Variants in ANKRD31 observed in about 807,000 individuals in gnomAD.
ANKRD31 encodes ankyrin repeat domain-containing protein 31.
A neutral mutation model predicts 186.0 loss-of-function variants in ANKRD31; 147 were observed. That is an observed-to-expected ratio of 0.79 (90% CI 0.69 to 0.91). The LOEUF is 0.91. Ranked by LOEUF, ANKRD31 falls within the 40% of genes least tolerant of loss-of-function variation. ANKRD31 has a pLI of 0.00. For missense variants in ANKRD31, 1,986 were observed against 2,148.8 expected (o/e 0.92, Z 1.50); for synonymous variants, 673 against 736.4 (o/e 0.91, Z 1.39).
intron 10 of ANKRD31, among the ~76,000 whole-genome samples, chr5:75,179,413 C>G (rs1754092666): frequency 6.6e-6 from 1 of 152,162 alleles, no homozygotes; most frequent in Admixed American, 6.5e-5. Context: ...ATGCCAAAGC[C>G]TGGCAGAGAC....
intron 19 of ANKRD31, among the ~76,000 whole-genome samples, 178 bp downstream of exon 19, chr5:75,116,388 A>G (rs1246836448): frequency 6.6e-6 from 1 of 152,004 alleles, no homozygotes; most frequent in African/African-American, 2.4e-5. Context: ...GTGCACATGT[A>G]CCCTAAAACT....
intron 23 of ANKRD31, among the ~76,000 whole-genome samples, chr5:75,087,026 C>T (rs1460802357): frequency 1.3e-5 from 2 of 152,112 alleles, no homozygotes; most frequent in Non-Finnish European, 2.9e-5. Context: ...AAATAAAGTG[C>T]AGTATTGTCA....
rs1192162035 is a variant in ANKRD31 at position 75,147,292 on chromosome 5, T to C, written c.2119A>G (p.Thr707Ala). 7 of 1,535,758 alleles carry C rather than the reference T, an allele frequency of 4.6e-6. No individual in the cohort carries two copies. Among genetic ancestry groups the C allele is most frequent in the African/African-American group, 2.7e-5 (2 of 73,024 alleles). Residue 707 changes from threonine (T) to alanine (A), a missense_variant, in exon 14 of 26, where the codon ACA (threonine) becomes GCA (alanine). Physicochemically the swap from Thr to Ala is moderately conservative, Grantham distance 58. Transcript: ENST00000506364. ...TGGAGATTGCCCTTTCTGAGTCCTG[T>C]AGAGTATATCTGGTCAAGAGTTGAT... ...KQSTLDQIYSTGLRKGNLHNV... is the reference protein window; with the variant it reads ...KQSTLDQIYSAGLRKGNLHNV...
At position 75,171,630 on chromosome 5, in the gene ANKRD31, A is replaced by T. The variant is rs141190027; in HGVS notation, c.1565-2509T>A. The stretch of plus-strand genomic sequence containing the variant: ...AAATCAATAAAGTATAAAACAAATA[A>T]CAAAGACAACTAAAAGAGCCATAAA... On this transcript the variant is annotated intron_variant, in intron 10 of 25. Transcript: ENST00000506364. 1.2e-4 allele frequency among the ~76,000 whole-genome samples: 18 copies of T among 151,868 alleles called. No individual in the cohort carries two copies. The East Asian group carries it at 3.3e-3, about 28-fold the overall frequency.
In ANKRD31 at chr5:75,231,597, A is replaced by G. The variant is rs74807507; in HGVS notation, c.105-962T>C. Among the ~76,000 whole-genome samples, 159 of 152,352 alleles carry G rather than the reference A, an allele frequency of 1.0e-3. 1 individual carries two copies. The highest frequency in any genetic ancestry group is 3.5e-3 in the African/African-American group (146 of 41,566). On this transcript the variant is annotated intron_variant, in intron 1 of 25. Coordinates refer to ENST00000506364, the MANE Select transcript of ANKRD31 (RefSeq NM_001372053.1). ...AGCAGAAAATGGACAAAAGACTTGAATAGACATTTCTGCAAAAACGAAATA... is the reference window on the plus strand; with the variant it reads ...AGCAGAAAATGGACAAAAGACTTGAGTAGACATTTCTGCAAAAACGAAATA...
intron 5 of ANKRD31, among the ~76,000 whole-genome samples, chr5:75,200,860 C>T (rs1231884313): frequency 1.3e-5 from 2 of 150,548 alleles, no homozygotes; most frequent in African/African-American, 2.4e-5. Context: ...TGCAGTGAGC[C>T]GCGATTACAC....
chr5:75,189,132 C>T (rs1754932868), intron 9 of ANKRD31, among the ~76,000 whole-genome samples: 1 of 152,096 alleles, frequency 6.6e-6, no homozygotes, highest in African/African-American at 2.4e-5. Context: ...AAAGGGAATG[C>T]AAAATTCTCC....
At chr5:75,179,010 GAGA>G (rs1383232488) in intron 10 of ANKRD31, among the ~76,000 whole-genome samples, 2 of 152,090 alleles carry the variant, frequency 1.3e-5, no homozygotes, top group East Asian at 3.8e-4. Context: ...GAAGAAAAGA[GAGA>G]AGAATCAAAT....
intron 20 of ANKRD31, among the ~76,000 whole-genome samples, chr5:75,108,605 G>A (rs1352384524): frequency 2.0e-5 from 3 of 152,040 alleles, no homozygotes; most frequent in Admixed American, 6.6e-5. Flanking sequence ...AAAATCTGTG[G>A]TAGAAAATGA....
intron 10 of ANKRD31, among the ~76,000 whole-genome samples, chr5:75,172,388 T>C (rs1255343504): frequency 1.4e-5 from 2 of 147,682 alleles, no homozygotes; most frequent in African/African-American, 2.5e-5. Context: ...ACTCTGTAAA[T>C]TAAGAATAGG....
rs903855253 is a variant in ANKRD31 at position 75,143,634 on chromosome 5, A to G, written c.3595+367T>C. Among the ~76,000 whole-genome samples the G allele has an allele frequency of 5.3e-5, 8 of 152,170 alleles. No individual in the cohort carries two copies. The South Asian group carries it at 8.3e-4, about 16-fold the overall frequency. ...ATAGTTCACTCATCTGACACAAAAC[A>G]AACTAATGGCTATGTTTCTTTAATT... is the stretch of plus-strand genomic sequence containing the variant. On this transcript the variant is annotated intron_variant, in intron 15 of 25. Transcript: ENST00000506364.
At chr5:75,210,929 A>C in intron 3 of ANKRD31, 64 bp from the exon 4 acceptor site, 2 of 1,113,554 alleles carry the variant, frequency 1.8e-6, no homozygotes, top group Non-Finnish European at 1.3e-6. Context: ...CAAGCTAAAA[A>C]AATTAACATT....
At chr5:75,128,867 T>C (rs764891753) in intron 17 of ANKRD31, among the ~76,000 whole-genome samples, 94 of 152,078 alleles carry the variant, frequency 6.2e-4, no homozygotes, top group Non-Finnish European at 1.5e-4. Flanking sequence ...AGCAGGTTCA[T>C]CACTTTAATA....
At position 75,213,074 on chromosome 5, in the gene ANKRD31, T is replaced by C. The variant is rs529673282; in HGVS notation, c.289-2209A>G. Among the ~76,000 whole-genome samples the C allele has an allele frequency of 1.6e-3, 240 of 152,278 alleles. 1 individual carries two copies. Among genetic ancestry groups the C allele is most frequent in the African/African-American group, 5.7e-3 (235 of 41,554 alleles). ...AATGCTCAGTATTATATACTGATAA[T>C]GCATCCCTAAACACCCCAAAGTTAC... On this transcript the variant is annotated intron_variant, in intron 3 of 25. Coordinates refer to ENST00000506364, the MANE Select transcript of ANKRD31 (RefSeq NM_001372053.1).
chr5:75,117,083 A>T (rs1376808976), intron 18 of ANKRD31, among the ~76,000 whole-genome samples: 1 of 152,174 alleles, frequency 6.6e-6, no homozygotes, highest in Admixed American at 6.5e-5. Flanking sequence ...TTGCCTCTGT[A>T]AAGTTCTCTT....
chr5:75,187,570 T>C (rs1305267871), intron 10 of ANKRD31, among the ~76,000 whole-genome samples: 1 of 151,976 alleles, frequency 6.6e-6, no homozygotes, highest in Non-Finnish European at 1.5e-5. Context: ...AGACAAAGAA[T>C]ACCAACAGAA....
intron 11 of ANKRD31, among the ~76,000 whole-genome samples, chr5:75,159,257 C>T (rs537700838): frequency 7.9e-5 from 12 of 151,226 alleles, no homozygotes; most frequent in Non-Finnish European, 1.2e-4. Context: ...TTAAGCACAA[C>T]AACATACACA....
At chr5:75,214,250 T>C (rs767404078) in intron 3 of ANKRD31, among the ~76,000 whole-genome samples, 1 of 152,304 alleles carries the variant, frequency 6.6e-6, no homozygotes, top group East Asian at 1.9e-4. Flanking sequence ...TGAATGAGAA[T>C]TGTCTTTACT....
intron 24 of ANKRD31, among the ~76,000 whole-genome samples, chr5:75,081,091 G>A (rs1745044885): frequency 6.6e-6 from 1 of 152,102 alleles, no homozygotes; most frequent in Non-Finnish European, 1.5e-5. Context: ...TTTCTGTCAG[G>A]TACCACAAAA....
Sources: gnomAD v4.1 joint callset for allele counts (sites outside exome capture counted in the v4.1 genomes callset) on GRCh38, gnomAD v4.1.1 for gene constraint, MANE v1.5 for transcripts, NCBI Gene and HGNC (gene_info 2026-07-23, HGNC 2026-07-21) for gene names.